The following DENND5B variants were observed in gnomAD, a reference collection of about 807,000 sequenced individuals.
DENND5B encodes the protein DENN domain-containing protein 5B.
Under a neutral mutation model 140.6 loss-of-function variants are expected in DENND5B, and 34 were observed. The observed-to-expected ratio is 0.24, with a 90% CI of 0.18 to 0.32. The LOEUF is 0.32. DENND5B is among the 10% of genes least tolerant of loss of function. DENND5B has a pLI of 1.00. For missense variants in DENND5B, 1,142 were observed against 1,560.2 expected, an observed-to-expected ratio of 0.73 and a Z score of 4.52; for synonymous variants, 551 against 562.1, an observed-to-expected ratio of 0.98 and a Z score of 0.28.
At position 31,590,806 on chromosome 12, in the gene DENND5B, G is replaced by T; in HGVS notation, c.27C>A (p.Gly9=). ...CGGCCGGGGAGGAGCCCGAGCCCGGGCCGGGCGCCGCGCAGCTCCCGCTCA... is the reference window on the plus strand; with the variant it reads ...CGGCCGGGGAGGAGCCCGAGCCCGGTCCGGGCGCCGCGCAGCTCCCGCTCA... The part of the protein sequence containing the change: MSGSCAAP[G]PGSGSSPAAC... The change falls in exon 1 of 21, where the codon GGC becomes GGA. Residue 9 remains glycine, a synonymous_variant. Transcript: ENST00000389082. The T allele has an allele frequency of 7.7e-7, 1 of 1,301,592 alleles. No homozygotes were observed. The highest frequency in any genetic ancestry group is 9.7e-7 in the Non-Finnish European group (1 of 1,027,726). The allele number at this position is 1,301,592 out of a possible 1,614,324, so 80.6% of individuals were successfully genotyped here.
At chr12:31,571,282 G>A (rs1054463893) in intron 1 of DENND5B, among the ~76,000 whole-genome samples, 2 of 152,182 alleles carry the variant, frequency 1.3e-5, no homozygotes, top group Admixed American at 1.3e-4. Flanking sequence ...GTAAGATAGA[G>A]ATCAAGAGTT....
Position 31,418,355 on chromosome 12 carries a change from C to T in DENND5B, c.2471-2907G>A, listed in dbSNP as rs151258594. On this transcript the variant is annotated intron_variant, in intron 11 of 20. Transcript: ENST00000389082. ...GGAGTGCAGTGGCATGATCTCGGCT[C>T]ACTGCAGCCTCCACCTCCGGGCTAA... Among the ~76,000 whole-genome samples, 1,451 of 147,616 alleles carry T rather than the reference C, an allele frequency of 9.8e-3. 24 individuals are homozygous for T. The highest frequency in any genetic ancestry group is 0.035 in the African/African-American group (1,387 of 40,144).
At chr12:31,467,067 A>G (rs1158505848) in intron 3 of DENND5B, among the ~76,000 whole-genome samples, 1 of 152,142 alleles carries the variant, frequency 6.6e-6, no homozygotes. Flanking sequence ...CAGAGTTCTA[A>G]GAGAAAAAAA....
chr12:31,409,500 CAG>C, intron 13 of DENND5B, 116 bp from the exon 14 acceptor site: 2 of 933,122 alleles, frequency 2.1e-6, no homozygotes, highest in South Asian at 5.1e-5. Flanking sequence ...TTTTTTTAAA[CAG>C]AGTTTCTCTC....
intron 3 of DENND5B, among the ~76,000 whole-genome samples, chr12:31,467,496 C>T (rs1166360506): frequency 1.3e-5 from 2 of 151,834 alleles, no homozygotes; most frequent in East Asian, 1.9e-4. Context: ...AAAAATTAGC[C>T]CAGCATGGTG....
intron 6 of DENND5B, chr12:31,443,877 G>A (rs974561766): frequency 2.0e-5 from 3 of 152,176 alleles, no homozygotes; most frequent in African/African-American, 7.2e-5. Context: ...ATGTCCAGAG[G>A]ATAAGAAACT....
chr12:31,590,623 G>A (rs915118582), intron 1 of DENND5B, 83 bp downstream of exon 1: 3 of 1,360,568 alleles, frequency 2.2e-6, no homozygotes, highest in African/African-American at 1.6e-5. Context: ...TTTGTCTGGA[G>A]CCTGCACCCC....
chr12:31,510,869 T>C (rs1947384783), intron 1 of DENND5B, among the ~76,000 whole-genome samples: 1 of 152,184 alleles, frequency 6.6e-6, no homozygotes, highest in Non-Finnish European at 1.5e-5. Context: ...TTTGGGAATA[T>C]TTTAAAAATT....
chr12:31,425,763 AAT>A (rs1344570917), intron 9 of DENND5B, among the ~76,000 whole-genome samples: 1 of 152,174 alleles, frequency 6.6e-6, no homozygotes, highest in Non-Finnish European at 1.5e-5. Flanking sequence ...ATGACTGTCA[AAT>A]AAATAAATAA....
At chr12:31,484,132 G>C (rs775854000) in intron 2 of DENND5B, among the ~76,000 whole-genome samples, 33 of 152,104 alleles carry the variant, frequency 2.2e-4, no homozygotes, top group South Asian at 2.1e-4. Flanking sequence ...GGGATTACAG[G>C]TGTAAGCTAC....
intron 15 of DENND5B, among the ~76,000 whole-genome samples, chr12:31,400,845 T>G (rs1303082714): frequency 1.4e-4 from 3 of 20,820 alleles, no homozygotes; most frequent in Non-Finnish European, 8.4e-4. Flanking sequence ...GAGTTTTTTT[T>G]TTTTGTTTTT....
chr12:31,409,205 A>T, intron 14 of DENND5B, 58 bp downstream of exon 14: 1 of 1,477,332 alleles, frequency 6.8e-7, no homozygotes, highest in Non-Finnish European at 9.0e-7. Flanking sequence ...AAAAATATAA[A>T]TGCTTTTATT....
intron 7 of DENND5B, 126 bp from the exon 8 acceptor site, chr12:31,433,374 G>C (rs775846445): frequency 2.4e-6 from 2 of 824,766 alleles, no homozygotes; most frequent in African/African-American, 1.8e-5. Context: ...TAGCAGCTTT[G>C]TTAAAATATA....
intron 1 of DENND5B, among the ~76,000 whole-genome samples, chr12:31,532,356 G>T (rs1039039607): frequency 1.3e-5 from 2 of 152,174 alleles, no homozygotes; most frequent in African/African-American, 4.8e-5. Flanking sequence ...GAGAGGGGAG[G>T]TTTAAGACAA....
Position 31,383,860 on chromosome 12 carries a change from G to A in DENND5B, c.*3743C>T, listed in dbSNP as rs1211992366. On this transcript the variant is annotated 3_prime_UTR_variant, in exon 21 of 21. Coordinates refer to ENST00000389082, the MANE Select transcript of DENND5B (RefSeq NM_144973.4). ...AACTTTGGGAAAATAAATTTTTCAA[G>A]AGGTAATACTTTTGGCAATTTAATT... 3 of 152,166 alleles carry A rather than the reference G, an allele frequency of 2.0e-5. No individual in the cohort carries two copies. Among genetic ancestry groups the A allele is most frequent in the Non-Finnish European group, 4.4e-5 (3 of 68,032 alleles). 9.4% of individuals were successfully genotyped at this position (152,166 alleles called of 1,614,324 possible). A position where few individuals can be genotyped will look rare whatever the true frequency, so the allele number is the denominator to read the frequency against.
intron 1 of DENND5B, among the ~76,000 whole-genome samples, chr12:31,550,819 T>A (rs575631868): frequency 6.6e-6 from 1 of 152,248 alleles, no homozygotes; most frequent in African/African-American, 2.4e-5. Flanking sequence ...TGGCCAGTGA[T>A]GATGAGCATT....
intron 2 of DENND5B, among the ~76,000 whole-genome samples, chr12:31,484,065 G>A (rs371843839): frequency 7.2e-5 from 11 of 151,806 alleles, no homozygotes; most frequent in African/African-American, 2.7e-4. Context: ...TTTTGGCCAG[G>A]CTGGTCTCAA....
intron 1 of DENND5B, among the ~76,000 whole-genome samples, chr12:31,574,162 C>T (rs1949919430): frequency 6.6e-6 from 1 of 151,386 alleles, no homozygotes; most frequent in Admixed American, 6.6e-5. Context: ...ACTCGGAAGG[C>T]TGAGGCAAGA....
intron 1 of DENND5B, among the ~76,000 whole-genome samples, chr12:31,577,848 G>A (rs1444373830): frequency 2.0e-5 from 3 of 151,908 alleles, no homozygotes; most frequent in African/African-American, 4.8e-5. Flanking sequence ...ACAGGGTCCA[G>A]TGCAGTGGCT....
Sources: gnomAD v4.1 joint callset for allele counts (sites outside exome capture counted in the v4.1 genomes callset) on GRCh38, gnomAD v4.1.1 for gene constraint, MANE v1.5 for transcripts, NCBI Gene and HGNC (gene_info 2026-07-23, HGNC 2026-07-21) for gene names.